Variants in XAGE2 observed in about 807,000 individuals in gnomAD.
XAGE2 encodes the protein G antigen family D member 3.
XAGE2 carries 7 observed loss-of-function variants against 9.9 expected under a neutral mutation model. That is an observed-to-expected ratio of 0.71 (90% confidence interval 0.40 to 1.32). XAGE2 has a LOEUF of 1.32. Among genes scored for constraint, XAGE2 ranks in the 40% most tolerant of loss-of-function variants. XAGE2 has a pLI of 0.01. For missense variants in XAGE2, 85 were observed against 81.0 expected, an observed-to-expected ratio of 1.05 and a Z score of -0.19; for synonymous variants, 31 against 26.8, an observed-to-expected ratio of 1.16 and a Z score of -0.48.
intron 3 of XAGE2, among the ~76,000 whole-genome samples, chrX:52,371,122 T>G (rs1277479833): frequency 9.0e-6 from 1 of 111,677 alleles, no homozygotes; most frequent in Non-Finnish European, 1.9e-5. Flanking sequence ...TAGCCCTATT[T>G]TATAAAAAGG....
chrX:52,370,183 G>C (rs1921156626), intron 2 of XAGE2, 88 bp downstream of exon 2: 3 of 900,912 alleles, frequency 3.3e-6, no homozygotes, highest in Non-Finnish European at 4.8e-6. Flanking sequence ...CACTGATAAA[G>C]GTCTTCCATG....
intron 3 of XAGE2, 51 bp downstream of exon 3, chrX:52,370,723 G>A: frequency 1.8e-6 from 2 of 1,081,343 alleles, no homozygotes; most frequent in Non-Finnish European, 2.6e-6. Context: ...AGGCCTATGT[G>A]TCCATCATGC....
chrX:52,370,369 G>T (rs1253332060), intron 2 of XAGE2, among the ~76,000 whole-genome samples, 198 bp from the exon 3 acceptor site: 1 of 112,359 alleles, frequency 8.9e-6, no homozygotes, highest in African/African-American at 3.2e-5. Flanking sequence ...CAAAGCCTTT[G>T]AGGGTAACTG....
intron 3 of XAGE2, among the ~76,000 whole-genome samples, chrX:52,371,976 G>A (rs1921203739): frequency 9.0e-6 from 1 of 111,614 alleles, no homozygotes; most frequent in South Asian, 3.8e-4. Context: ...TTACATAGTT[G>A]ATACTCACTG....
chrX:52,369,909 C>T, intron 1 of XAGE2, 98 bp from the exon 2 acceptor site: 1 of 956,637 alleles, frequency 1.0e-6, no homozygotes, highest in Non-Finnish European at 1.5e-6. Context: ...TATTTCCAAA[C>T]TTTTTTAAAA....
chrX:52,371,405 A>G (rs955717899), intron 3 of XAGE2, among the ~76,000 whole-genome samples: 6 of 111,963 alleles, frequency 5.4e-5, no homozygotes, highest in Non-Finnish European at 9.4e-5. Flanking sequence ...GTATTTTTTG[A>G]CAGTATGTTT....
At chrX:52,372,023 G>A (rs1312854929) in intron 3 of XAGE2, among the ~76,000 whole-genome samples, 1 of 111,663 alleles carries the variant, frequency 9.0e-6, no homozygotes, top group African/African-American at 3.3e-5. Context: ...GGAAATGAAG[G>A]TGTAGTGTGA....
intron 1 of XAGE2, among the ~76,000 whole-genome samples, chrX:52,369,779 T>G (rs1921145691): frequency 8.9e-6 from 1 of 112,888 alleles, no homozygotes; most frequent in Admixed American, 9.3e-5. Context: ...AAATATCCTG[T>G]ATCTTTTGCC....
chrX:52,373,691 G>A (rs1921249760), intron 4 of XAGE2, among the ~76,000 whole-genome samples: 1 of 112,014 alleles, frequency 8.9e-6, no homozygotes, highest in Non-Finnish European at 1.9e-5. Context: ...TAATTCTTGA[G>A]TAGTCAACAT....
intron 3 of XAGE2, among the ~76,000 whole-genome samples, chrX:52,371,785 T>G (rs896530158): frequency 2.4e-4 from 27 of 111,730 alleles, no homozygotes; most frequent in Non-Finnish European, 3.9e-4. Flanking sequence ...TTTAGGGCCT[T>G]TGGACCTAAG....
At chrX:52,375,228 T>A (rs1463266426) in intron 4 of XAGE2, among the ~76,000 whole-genome samples, 1 of 112,365 alleles carries the variant, frequency 8.9e-6, no homozygotes, top group Non-Finnish European at 1.9e-5. Flanking sequence ...GTGTATTTGT[T>A]ATATTTTTAG....
intron 3 of XAGE2, among the ~76,000 whole-genome samples, chrX:52,371,714 C>CT (rs1301178190): frequency 3.6e-5 from 4 of 111,410 alleles, no homozygotes; most frequent in Non-Finnish European, 7.5e-5. Context: ...AAAACTGTGA[C>CT]TTTTTTTCCT....
intron 3 of XAGE2, among the ~76,000 whole-genome samples, chrX:52,371,814 T>C (rs1921200379): frequency 8.9e-6 from 1 of 112,063 alleles, no homozygotes; most frequent in Non-Finnish European, 1.9e-5. Context: ...TAATTAATTT[T>C]AACCAAATAA....
At position 52,375,618 on chromosome X, in the gene XAGE2, CTG is replaced by C; in HGVS notation, c.*29_*30del. On this transcript the variant is annotated 3_prime_UTR_variant, in exon 5 of 5. Transcript: ENST00000286049. ...GGAAGATAAGCTGAAACAACACAAA[CTG>C]TTTTTATATTAGATATTTTACTTTA... 1.7e-6 allele frequency: 2 copies of C among 1,176,947 alleles called. No homozygotes were observed. Among genetic ancestry groups the C allele is most frequent in the Non-Finnish European group, 2.3e-6 (2 of 868,521 alleles).
intron 4 of XAGE2, among the ~76,000 whole-genome samples, chrX:52,374,747 C>T (rs1327351532): frequency 8.9e-6 from 1 of 111,812 alleles, no homozygotes; most frequent in Non-Finnish European, 1.9e-5. Context: ...TCTTCCTCTA[C>T]ATCTCCATTT....
At chrX:52,372,448 C>CTTT in intron 3 of XAGE2, 96 bp from the exon 4 acceptor site, 2 of 1,092,937 alleles carry the variant, frequency 1.8e-6, no homozygotes, top group Admixed American at 2.2e-5. Context: ...AGCCTACAGG[C>CTTT]TTTTATGTCA....
At chrX:52,370,764 A>T in intron 3 of XAGE2, 92 bp downstream of exon 3, 1 of 880,556 alleles carries the variant, frequency 1.1e-6, no homozygotes, top group Non-Finnish European at 1.6e-6. Flanking sequence ...AGGAGGAAAG[A>T]AAACATTAGG....
chrX:52,370,513 G>A lies in XAGE2; in HGVS notation c.82-54G>A, dbSNP rs900523488. On this transcript the variant is annotated intron_variant, in intron 2 of 4. Coordinates refer to ENST00000286049, the MANE Select transcript of XAGE2 (RefSeq NM_130777.3). Reference sequence around the variant, plus strand: ...TTCTGTATATTTGTATTATTGACATGTATTACTAACAAAACTTTTTATCTG... The same window carrying A: ...TTCTGTATATTTGTATTATTGACATATATTACTAACAAAACTTTTTATCTG... 5.1e-6 allele frequency: 5 copies of A among 989,478 alleles called. No individual in the cohort carries two copies. In the Admixed American group the frequency reaches 6.6e-5, roughly 13 times the overall value. The allele number at this position is 989,478 out of a possible 1,213,427, so 81.5% of individuals were successfully genotyped here.
At chrX:52,373,685 T>C (rs1921249545) in intron 4 of XAGE2, among the ~76,000 whole-genome samples, 1 of 112,273 alleles carries the variant, frequency 8.9e-6, no homozygotes, top group Non-Finnish European at 1.9e-5. Flanking sequence ...ATGTACTAAT[T>C]CTTGAGTAGT....
Sources: allele counts gnomAD v4.1 joint callset (sites outside exome capture counted in the v4.1 genomes callset), GRCh38; gene constraint gnomAD v4.1.1; transcripts MANE v1.5; gene names NCBI Gene and HGNC (gene_info 2026-07-23, HGNC 2026-07-21).